TEX15: variants seen among roughly 807,000 people sequenced by gnomAD.
TEX15 encodes the protein testis expressed 15, meiosis and synapsis associated, also known as testis-expressed protein 15.
In TEX15, 171 loss-of-function variants were observed where a neutral mutation model predicts 237.3. That is an observed-to-expected ratio of 0.72 (90% CI 0.64 to 0.82). The LOEUF is 0.82. Ranked by LOEUF, TEX15 falls within the 40% of genes least tolerant of loss-of-function variation. The pLI is 0.00. For synonymous variants in TEX15, 1,338 were observed against 1,269.8 expected, an observed-to-expected ratio of 1.05 and a Z score of -1.14; for missense variants, 3,750 against 3,646.5, an observed-to-expected ratio of 1.03 and a Z score of -0.73.
intron 2 of TEX15, among the ~76,000 whole-genome samples, chr8:30,895,297 C>CAAAA (rs34514049): frequency 3.8e-4 from 23 of 60,458 alleles, no homozygotes; most frequent in East Asian, 7.1e-4. Context: ...GACTCCATCT[C>CAAAA]AAAAAAAAAA....
chr8:30,841,732 T>C (rs1359011715), intron 8 of TEX15, among the ~76,000 whole-genome samples: 2 of 152,186 alleles, frequency 1.3e-5, no homozygotes, highest in African/African-American at 4.8e-5. Flanking sequence ...AAGAAGCTTT[T>C]AAAATCCACG....
rs770441497 is a variant in TEX15 at position 30,845,526 on chromosome 8, A to G, written c.4641T>C (p.His1547=). ...SVSNPSLSEE[H]QPFSGKTAYL... Reference sequence around the variant, plus strand: ...ATGCAGTTTTTCCAGAAAAGGGCTGATGTTCTTCTGATAAACTTGGATTGC... The same window carrying G: ...ATGCAGTTTTTCCAGAAAAGGGCTGGTGTTCTTCTGATAAACTTGGATTGC... Residue 1547 remains histidine (H), a synonymous_variant, in exon 8 of 11, where the codon CAT becomes CAC. Coordinates refer to ENST00000643185, the MANE Select transcript of TEX15 (RefSeq NM_001350162.2). 2.5e-6 allele frequency: 4 copies of G among 1,613,650 alleles called. No individual in the cohort carries two copies. Among genetic ancestry groups the G allele is most frequent in the Non-Finnish European group, 3.4e-6 (4 of 1,179,618 alleles).
chr8:30,845,141 A>G lies in TEX15; in HGVS notation c.5026T>C (p.Cys1676Arg), dbSNP rs1585283299. The G allele has an allele frequency of 1.9e-6, 3 of 1,613,462 alleles. No homozygotes were observed. The East Asian group carries it at 6.7e-5, about 36-fold the overall frequency. The change falls in exon 8 of 11, where the codon TGT (cysteine) becomes CGT (arginine). Residue 1676 changes from cysteine (C) to arginine (R), a missense_variant. By Grantham distance (180) the Cys-to-Arg change is radical (BLOSUM62 -3). Coordinates refer to ENST00000643185, the MANE Select transcript of TEX15 (RefSeq NM_001350162.2). ...YQQGNLILSD[C>R]KRNLEVKWTD... ...CACTTTACTTCCAGGTTTCTTTTAC[A>G]ATCAGATAAAATAAGGTTACCTTGT... is the stretch of plus-strand genomic sequence containing the variant.
chr8:30,869,008 T>C (rs1051967360), intron 4 of TEX15, among the ~76,000 whole-genome samples: 4 of 151,890 alleles, frequency 2.6e-5, no homozygotes, highest in African/African-American at 7.2e-5. Flanking sequence ...AAATACTCCC[T>C]GGAGTTTTGT....
In TEX15 at chr8:30,846,433, C is replaced by T. The variant is rs141017972; in HGVS notation, c.3734G>A (p.Arg1245His). ...SEISLSFDLS[R>H]NTDVNHTSEN... ...AGACGTATGATTCACATCTGTATTACGACTCAAGTCAAAAGAAAGGGAGAT... is the reference window on the plus strand; with the variant it reads ...AGACGTATGATTCACATCTGTATTATGACTCAAGTCAAAAGAAAGGGAGAT... The change falls in exon 8 of 11, where the codon CGT becomes CAT. Residue 1245 changes from arginine to histidine, a missense_variant. Coordinates refer to ENST00000643185, the MANE Select transcript of TEX15 (RefSeq NM_001350162.2). 5.0e-5 allele frequency: 80 copies of T among 1,613,298 alleles called. No homozygotes were observed. The highest frequency in any genetic ancestry group is 6.1e-5 in the Non-Finnish European group (72 of 1,179,688).
At position 30,837,463 on chromosome 8, in the gene TEX15, A is replaced by C; in HGVS notation, c.8821T>G (p.Cys2941Gly). 1 of 1,614,150 alleles carries C rather than the reference A, an allele frequency of 6.2e-7. No homozygotes were observed. Among genetic ancestry groups the C allele is most frequent in the South Asian group, 1.1e-5 (1 of 91,080 alleles). Reference protein sequence around the residue: ...SSCMTSPEPICIQNKIPTLQI... With the variant: ...SSCMTSPEPIGIQNKIPTLQI... ...AGAGTAGGAATTTTGTTCTGGATAC[A>C]GATGGGTTCTGGAGAAGTCATGCAT... Residue 2941 changes from cysteine (C) to glycine (G), a missense_variant, in exon 10 of 11, where the codon TGT (cysteine) becomes GGT (glycine). Physicochemically the swap from Cys to Gly is radical, Grantham distance 159 (BLOSUM62 -3). Transcript: ENST00000643185.
At chr8:30,888,015 C>G (rs1046559851) in intron 2 of TEX15, among the ~76,000 whole-genome samples, 1 of 149,820 alleles carries the variant, frequency 6.7e-6, no homozygotes, top group Non-Finnish European at 1.5e-5. Flanking sequence ...CTGAAAAGCT[C>G]AAAAACTTAC....
chr8:30,855,653 T>C (rs1225788061), intron 7 of TEX15, among the ~76,000 whole-genome samples: 1 of 152,184 alleles, frequency 6.6e-6, no homozygotes, highest in African/African-American at 2.4e-5. Context: ...CGAATATTCA[T>C]AGCAGAATTT....
At chr8:30,874,863 A>G in intron 4 of TEX15, 74 bp downstream of exon 4, 1 of 896,490 alleles carries the variant, frequency 1.1e-6, no homozygotes, top group Non-Finnish European at 1.5e-6. Flanking sequence ...CATATGGTAG[A>G]AATGAATTAG....
intron 2 of TEX15, chr8:30,888,529 C>A (rs1188279899): frequency 4.2e-6 from 4 of 959,274 alleles, no homozygotes; most frequent in Non-Finnish European, 4.3e-6. Flanking sequence ...CCATCCCCTG[C>A]CAAATATTGA....
chr8:30,854,687 C>G (rs929084803), intron 7 of TEX15, among the ~76,000 whole-genome samples: 3 of 151,978 alleles, frequency 2.0e-5, no homozygotes, highest in Non-Finnish European at 2.9e-5. Flanking sequence ...ACAAAGACAT[C>G]ACAAAAAATC....
chr8:30,901,630 TAATA>T (rs1191548762), intron 1 of TEX15, among the ~76,000 whole-genome samples: 1 of 152,128 alleles, frequency 6.6e-6, no homozygotes, highest in Non-Finnish European at 1.5e-5. Flanking sequence ...TTTGAGTATA[TAATA>T]ATATTGGAAA....
At chr8:30,896,053 C>T (rs1471987463) in intron 2 of TEX15, among the ~76,000 whole-genome samples, 1 of 152,036 alleles carries the variant, frequency 6.6e-6, no homozygotes, top group Non-Finnish European at 1.5e-5. Flanking sequence ...TTTCTCAAAT[C>T]TTTTAATGTG....
At chr8:30,839,390 T>C (rs1330180319) in intron 9 of TEX15, among the ~76,000 whole-genome samples, 1 of 151,972 alleles carries the variant, frequency 6.6e-6, no homozygotes, top group Non-Finnish European at 1.5e-5. Context: ...CTCATTAAAA[T>C]GCCAGTTTTG....
intron 3 of TEX15, among the ~76,000 whole-genome samples, chr8:30,886,197 C>G (rs775347860): frequency 6.6e-5 from 10 of 152,176 alleles, no homozygotes; most frequent in Non-Finnish European, 1.3e-4. Context: ...TTCACTTCAG[C>G]AAGACTTTAC....
chr8:30,899,341 T>C (rs757621721), intron 1 of TEX15, among the ~76,000 whole-genome samples: 3 of 152,184 alleles, frequency 2.0e-5, no homozygotes, highest in Non-Finnish European at 2.9e-5. Context: ...TCAGAAAGGT[T>C]AAGAAACTTA....
chr8:30,841,523 T>C (rs1807451922), intron 8 of TEX15, among the ~76,000 whole-genome samples: 2 of 152,258 alleles, frequency 1.3e-5, no homozygotes, highest in South Asian at 2.1e-4. Flanking sequence ...GTATTTAATA[T>C]AGGACTTTTA....
intron 1 of TEX15, among the ~76,000 whole-genome samples, chr8:30,907,472 T>C (rs1809127522): frequency 6.8e-6 from 1 of 147,450 alleles, no homozygotes; most frequent in Non-Finnish European, 1.5e-5. Context: ...ATACAAAATG[T>C]ATATATAAAT....
chr8:30,844,414 G>A lies in TEX15; in HGVS notation c.5753C>T (p.Pro1918Leu), dbSNP rs757774854. The A allele has an allele frequency of 8.1e-6, 13 of 1,610,970 alleles. No individual in the cohort carries two copies. Among genetic ancestry groups the A allele is most frequent in the Middle Eastern group, 1.7e-4 (1 of 6,056 alleles). Residue 1918 changes from proline to leucine, a missense_variant, in exon 8 of 11, where the codon CCG (proline) becomes CTG (leucine). Transcript: ENST00000643185. ...SVPLKNTVSN[P>L]LNKREKKGEI... The stretch of plus-strand genomic sequence containing the variant: ...CCCCTTCTTCTCTCTTTTGTTAAGC[G>A]GATTAGAAACTGTGTTCTTCAAAGG...
Sources: allele counts gnomAD v4.1 joint callset (sites outside exome capture counted in the v4.1 genomes callset), GRCh38; gene constraint gnomAD v4.1.1; transcripts MANE v1.5; gene names NCBI Gene and HGNC (gene_info 2026-07-23, HGNC 2026-07-21).